The following HPSE variants were observed in gnomAD, a reference collection of about 807,000 sequenced individuals.
HPSE encodes the protein endo-glucoronidase.
HPSE carries 48 observed loss-of-function variants against 65.1 expected under a neutral mutation model. The observed-to-expected ratio is 0.74, with a 90% CI of 0.58 to 0.94. The LOEUF (loss-of-function observed/expected upper bound fraction) is 0.94. HPSE is among the 40% of genes least tolerant of loss of function. HPSE has a pLI of 0.00. For synonymous variants in HPSE, 243 were observed against 260.0 expected (o/e 0.93, Z 0.63); for missense variants, 644 against 637.5 (o/e 1.01, Z -0.11).
At position 83,301,039 on chromosome 4, in the gene HPSE, G is replaced by A. The variant is rs565705065; in HGVS notation, c.1393C>T (p.Arg465Trp). ...TTGTTAGAAAAAGGATAGGGTAACC[G>A]CAAGTACTTGGTGACATTATGGAGG... Reference protein sequence around the residue: ...INLHNVTKYLRLPYPFSNKQV... With the variant: ...INLHNVTKYLWLPYPFSNKQV... Residue 465 changes from arginine to tryptophan, a missense_variant, in exon 11 of 12, where the codon CGG becomes TGG. Coordinates refer to ENST00000311412, the MANE Select transcript of HPSE (RefSeq NM_001098540.3). 65 of 1,605,838 alleles carry A rather than the reference G, an allele frequency of 4.0e-5. No homozygotes were observed. The highest frequency in any genetic ancestry group is 3.5e-4 in the Admixed American group (21 of 59,574).
chr4:83,310,442 G>C (rs1020345201), intron 5 of HPSE, among the ~76,000 whole-genome samples: 3 of 151,868 alleles, frequency 2.0e-5, no homozygotes, highest in Admixed American at 6.6e-5. Context: ...TGAGGTGGAA[G>C]GATGGCTTGA....
chr4:83,308,000 T>G (rs1736208110), intron 8 of HPSE, among the ~76,000 whole-genome samples: 1 of 152,220 alleles, frequency 6.6e-6, no homozygotes, highest in East Asian at 1.9e-4. Flanking sequence ...TGGGACCTCA[T>G]ACTTTAGGCT....
chr4:83,330,023 A>G (rs565563915), intron 1 of HPSE, among the ~76,000 whole-genome samples: 2 of 151,436 alleles, frequency 1.3e-5, no homozygotes, highest in African/African-American at 2.4e-5. Context: ...CTTTCACTCA[A>G]TTTCAAAATA....
chr4:83,319,228 T>G, intron 3 of HPSE, 116 bp downstream of exon 3: 1 of 1,011,482 alleles, frequency 9.9e-7, no homozygotes, highest in Non-Finnish European at 1.5e-6. Context: ...TGGGAAATGC[T>G]TCAGTATTTT....
At chr4:83,332,921 C>A (rs969179241) in intron 1 of HPSE, among the ~76,000 whole-genome samples, 2 of 121,684 alleles carry the variant, frequency 1.6e-5, no homozygotes, top group Non-Finnish European at 3.7e-5. Flanking sequence ...TCAGTAACCG[C>A]CCCCCCCCAC....
At chr4:83,333,435 G>A (rs2126200027) in intron 1 of HPSE, among the ~76,000 whole-genome samples, 1 of 152,296 alleles carries the variant, frequency 6.6e-6, no homozygotes, top group South Asian at 2.1e-4. Context: ...CATTAAATTA[G>A]CGCTGGCAAC....
chr4:83,318,710 CAAA>C (rs11392395), intron 3 of HPSE, among the ~76,000 whole-genome samples: 1 of 89,792 alleles, frequency 1.1e-5, no homozygotes, highest in Non-Finnish European at 2.3e-5. Flanking sequence ...GATTCCATCT[CAAA>C]AAAAAAAAAA....
rs1200518055 is a variant in HPSE at position 83,326,419 on chromosome 4, T to G, written c.228-4055A>C. Among the ~76,000 whole-genome samples, 1 of 152,140 alleles carries G rather than the reference T, an allele frequency of 6.6e-6. No individual in the cohort carries two copies. Among genetic ancestry groups the G allele is most frequent in the Non-Finnish European group, 1.5e-5 (1 of 68,026 alleles). ...TCAAGGATTACTCCTGGGAAGCTCC[T>G]TGGAAGATGGTAATATCATTTGCTG... is the stretch of plus-strand genomic sequence containing the variant. On this transcript the variant is annotated intron_variant, in intron 1 of 11. Coordinates refer to ENST00000311412, the MANE Select transcript of HPSE (RefSeq NM_001098540.3). This position sits in a 1 kb window ranked among gnomAD's most constrained non-coding sequence, Gnocchi z 4.2.
At chr4:83,313,523 G>C (rs542095572) in intron 3 of HPSE, among the ~76,000 whole-genome samples, 115 of 152,228 alleles carry the variant, frequency 7.6e-4, no homozygotes, top group South Asian at 2.1e-3. Flanking sequence ...AGAAGCTCTG[G>C]TCTGACACTT....
At position 83,295,568 on chromosome 4, in the gene HPSE, A is replaced by C. The variant is rs576844478; in HGVS notation, c.1473-65T>G. On this transcript the variant is annotated intron_variant, in intron 11 of 11. Transcript: ENST00000311412. ...CATGCCCCACCCATGCTGCTACAAA[A>C]GTCATGAAATCTTTTTTAGACCAAA... 92 of 1,334,026 alleles carry C rather than the reference A, an allele frequency of 6.9e-5. No homozygotes were observed. The East Asian group carries it at 1.9e-3, about 28-fold the overall frequency. The allele number at this position is 1,334,026 out of a possible 1,614,324, so 82.6% of individuals were successfully genotyped here. A position where few individuals can be genotyped will look rare whatever the true frequency, so the allele number is the denominator to read the frequency against.
At position 83,301,789 on chromosome 4, in the gene HPSE, C is replaced by T. The variant is rs575219268; in HGVS notation, c.1325+361G>A. 1.8e-4 allele frequency among the ~76,000 whole-genome samples: 27 copies of T among 152,202 alleles called. No individual in the cohort carries two copies. The East Asian group carries it at 3.1e-3, about 17-fold the overall frequency. On this transcript the variant is annotated intron_variant, in intron 10 of 11. Transcript: ENST00000311412. ...CAAGAGTATGAGGCTACAAAAATCT[C>T]GATGTCTTCTCAACTCCAGAAACTG...
At position 83,292,778 on chromosome 4, in the gene HPSE, T is replaced by A. The variant is rs750130730; in HGVS notation, c.*2566A>T. The stretch of plus-strand genomic sequence containing the variant: ...CAGGAATGGAAAACCAAATACTGCA[T>A]GTTCTCACTTATAAGTGGAAGCTTA... On this transcript the variant is annotated 3_prime_UTR_variant, in exon 12 of 12. Transcript: ENST00000311412. The A allele has an allele frequency of 9.2e-5, 14 of 152,254 alleles. No homozygotes were observed. The highest frequency in any genetic ancestry group is 1.5e-4 in the Non-Finnish European group (10 of 68,052). 9.4% of individuals were successfully genotyped at this position (152,254 alleles called of 1,614,324 possible).
intron 1 of HPSE, among the ~76,000 whole-genome samples, chr4:83,325,986 C>T (rs1207262976): frequency 2.0e-5 from 3 of 152,054 alleles, no homozygotes; most frequent in South Asian, 2.1e-4. Flanking sequence ...CAAATAGGGC[C>T]ACATCACGGA....
intron 11 of HPSE, among the ~76,000 whole-genome samples, chr4:83,298,553 T>C (rs760942049): frequency 1.1e-4 from 17 of 151,740 alleles, no homozygotes; most frequent in Admixed American, 9.2e-4. Flanking sequence ...TTTTTAGGGC[T>C]GGGTGCAGTT....
chr4:83,335,020 C>T (rs1737563586), upstream of HPSE: 4 of 572,078 alleles, frequency 7.0e-6, no homozygotes, highest in Non-Finnish European at 8.6e-6. Flanking sequence ...TGCTCGCTTT[C>T]CCCTCGGTGG....
chr4:83,295,625 T>A, intron 11 of HPSE, 122 bp from the exon 12 acceptor site: 1 of 623,472 alleles, frequency 1.6e-6, no homozygotes, highest in Non-Finnish European at 2.6e-6. Context: ...CTATATTATA[T>A]AACTTGTATT....
intron 1 of HPSE, among the ~76,000 whole-genome samples, chr4:83,323,781 G>A (rs1452309752): frequency 6.6e-6 from 1 of 152,132 alleles, no homozygotes; most frequent in Admixed American, 6.5e-5. Flanking sequence ...CTCCAAATGG[G>A]TGCCTATCAT....
intron 7 of HPSE, 76 bp downstream of exon 7, chr4:83,309,326 C>T: frequency 3.9e-6 from 3 of 763,180 alleles, no homozygotes; most frequent in Non-Finnish European, 6.6e-6. Flanking sequence ...ATATACATAC[C>T]TATAGAATTT....
chr4:83,299,446 TG>T (rs1387957602), intron 11 of HPSE, among the ~76,000 whole-genome samples: 2 of 151,276 alleles, frequency 1.3e-5, no homozygotes, highest in African/African-American at 4.8e-5. Flanking sequence ...GGAAGACTTC[TG>T]GATCTCTCCC....
Sources: gnomAD v4.1 joint callset for allele counts (sites outside exome capture counted in the v4.1 genomes callset) on GRCh38, gnomAD v4.1.1 for gene constraint, Gnocchi (gnomAD v3.1) non-coding constraint, MANE v1.5 for transcripts, NCBI Gene and HGNC (gene_info 2026-07-23, HGNC 2026-07-21) for gene names.